The following PLPP4 variants were observed in gnomAD, a reference collection of about 807,000 sequenced individuals.
PLPP4 encodes phospholipid phosphatase 4.
PLPP4 carries 20 observed loss-of-function variants against 32.2 expected under a neutral mutation model. That is an observed-to-expected ratio of 0.62 (90% confidence interval 0.44 to 0.90). PLPP4 has a LOEUF of 0.90. Ranked by LOEUF, PLPP4 falls within the 40% of genes least tolerant of loss-of-function variation. The probability of loss-of-function intolerance (pLI) is 0.00; values close to 1 mark genes in which losing one functional copy is unlikely to be tolerated. For missense variants in PLPP4, 257 were observed against 353.1 expected, an observed-to-expected ratio of 0.73 and a Z score of 2.18; for synonymous variants, 127 against 133.0, an observed-to-expected ratio of 0.95 and a Z score of 0.31.
In PLPP4 at chr10:120,533,177, G is replaced by C. The variant is rs73371245; in HGVS notation, c.445+12082G>C. 8.2e-3 allele frequency among the ~76,000 whole-genome samples: 1,243 copies of C among 152,188 alleles called. 14 individuals carry two copies. The highest frequency in any genetic ancestry group is 0.049 in the South Asian group (234 of 4,824). On this transcript the variant is annotated intron_variant, in intron 5 of 6. Transcript: ENST00000398250. The stretch of plus-strand genomic sequence containing the variant: ...TATTTCCACAACCTTGACATCATTT[G>C]TTATATTCCATCTTTTTTATTATAG...
chr10:120,480,296 G>A (rs1335533552), intron 1 of PLPP4, among the ~76,000 whole-genome samples: 3 of 152,182 alleles, frequency 2.0e-5, no homozygotes, highest in Non-Finnish European at 4.4e-5. Flanking sequence ...TGAATAAGGA[G>A]TGCATCCAAG....
intron 5 of PLPP4, among the ~76,000 whole-genome samples, chr10:120,557,442 T>G (rs1848211153): frequency 1.3e-5 from 2 of 152,204 alleles, no homozygotes; most frequent in Admixed American, 1.3e-4. Flanking sequence ...CCATGTCTTA[T>G]TCTACTCTGA....
At chr10:120,560,827 G>C (rs1848399650) in intron 5 of PLPP4, among the ~76,000 whole-genome samples, 1 of 152,146 alleles carries the variant, frequency 6.6e-6, no homozygotes, top group African/African-American at 2.4e-5. Context: ...GCACCAACCT[G>C]TACAAAATAT....
chr10:120,471,080 C>T (rs1848499441), intron 1 of PLPP4, among the ~76,000 whole-genome samples: 1 of 152,134 alleles, frequency 6.6e-6, no homozygotes, highest in East Asian at 1.9e-4. Flanking sequence ...ATAGCTTGAA[C>T]ATAATGAATA....
chr10:120,495,452 A>T (rs778564415), intron 1 of PLPP4, among the ~76,000 whole-genome samples: 5 of 152,104 alleles, frequency 3.3e-5, no homozygotes, highest in African/African-American at 7.2e-5. Context: ...TCCTGCCAAG[A>T]GTGGAGTGGC....
At position 120,552,165 on chromosome 10, in the gene PLPP4, G is replaced by GGTGTGTGTGTGTGTGT. The variant is rs58426120; in HGVS notation, c.446-22938_446-22923dup. Among the ~76,000 whole-genome samples, 514 of 138,624 alleles carry GGTGTGTGTGTGTGTGT rather than the reference G, an allele frequency of 3.7e-3. 5 individuals carry two copies. Among genetic ancestry groups the GGTGTGTGTGTGTGTGT allele is most frequent in the Middle Eastern group, 7.2e-3 (2 of 276 alleles). 90.9% of individuals were successfully genotyped at this position (138,624 alleles called of 152,430 possible). ...GTGATTGTGTTGTTAGTGGTGGTGG[G>GGTGTGTGTGTGTGTGT]GTGTGTGTGTGTGTGTGTGTGTGTG... On this transcript the variant is annotated intron_variant, in intron 5 of 6. Transcript: ENST00000398250.
intron 1 of PLPP4, among the ~76,000 whole-genome samples, chr10:120,471,410 A>G (rs1296347924): frequency 6.6e-6 from 1 of 151,914 alleles, no homozygotes; most frequent in East Asian, 1.9e-4. Flanking sequence ...TGGATGTCAT[A>G]ATTTCTATCT....
chr10:120,497,666 C>A (rs563093526), intron 1 of PLPP4, among the ~76,000 whole-genome samples: 1 of 152,160 alleles, frequency 6.6e-6, no homozygotes, highest in African/African-American at 2.4e-5. Flanking sequence ...GGTCTTCAAA[C>A]TATATCATGA....
At chr10:120,522,163 G>T (rs560567026) in intron 5 of PLPP4, among the ~76,000 whole-genome samples, 1 of 152,154 alleles carries the variant, frequency 6.6e-6, no homozygotes, top group Non-Finnish European at 1.5e-5. Flanking sequence ...ATTCTCCCAC[G>T]AGTCTGATTA....
At chr10:120,579,399 G>C (rs559926152) in intron 6 of PLPP4, among the ~76,000 whole-genome samples, 3 of 152,110 alleles carry the variant, frequency 2.0e-5, no homozygotes, top group Non-Finnish European at 2.9e-5. Context: ...TTGTCTAACC[G>C]GGCTGAAGTT....
At chr10:120,494,681 T>A (rs561823611) in intron 1 of PLPP4, among the ~76,000 whole-genome samples, 3 of 152,356 alleles carry the variant, frequency 2.0e-5, no homozygotes, top group Admixed American at 6.5e-5. Context: ...GTGGATTATT[T>A]GATTAAATCA....
chr10:120,574,978 G>A (rs1424823289), intron 5 of PLPP4, among the ~76,000 whole-genome samples, 153 bp from the exon 6 acceptor site: 1 of 152,358 alleles, frequency 6.6e-6, no homozygotes, highest in South Asian at 2.1e-4. Flanking sequence ...GCAGCATGGT[G>A]CTAGCAGGAG....
chr10:120,524,098 G>C (rs998298908), intron 5 of PLPP4, among the ~76,000 whole-genome samples: 1 of 152,170 alleles, frequency 6.6e-6, no homozygotes, highest in Non-Finnish European at 1.5e-5. Context: ...TGCTTAAAAT[G>C]TTACCCATTT....
At chr10:120,555,270 G>T (rs1037148622) in intron 5 of PLPP4, among the ~76,000 whole-genome samples, 6 of 152,142 alleles carry the variant, frequency 3.9e-5, no homozygotes, top group African/African-American at 1.4e-4. Context: ...GATCGTGTTT[G>T]TCCTATGGTT....
chr10:120,463,958 GTGTGCC>G (rs1848196338), intron 1 of PLPP4, among the ~76,000 whole-genome samples: 1 of 152,196 alleles, frequency 6.6e-6, no homozygotes, highest in South Asian at 2.1e-4. Context: ...GGGACAATAG[GTGTGCC>G]ATCGCAGCCA....
At chr10:120,474,871 A>G (rs1451834292) in intron 1 of PLPP4, among the ~76,000 whole-genome samples, 1 of 152,230 alleles carries the variant, frequency 6.6e-6, no homozygotes, top group Admixed American at 6.5e-5. Context: ...GGAATTTTAT[A>G]ATGCTTTCAT....
intron 1 of PLPP4, among the ~76,000 whole-genome samples, chr10:120,482,926 C>G (rs1844275819): frequency 6.6e-6 from 1 of 151,968 alleles, no homozygotes; most frequent in Non-Finnish European, 1.5e-5. Context: ...CTGGGTGTGT[C>G]TGTGAGGGTG....
intron 1 of PLPP4, among the ~76,000 whole-genome samples, chr10:120,498,478 C>T (rs1845074875): frequency 6.6e-6 from 1 of 152,136 alleles, no homozygotes; most frequent in Non-Finnish European, 1.5e-5. Context: ...ATGCCTCCTA[C>T]TCATGTAAGG....
At chr10:120,492,525 A>G (rs1223834788) in intron 1 of PLPP4, among the ~76,000 whole-genome samples, 2 of 152,332 alleles carry the variant, frequency 1.3e-5, no homozygotes, top group African/African-American at 4.8e-5. Flanking sequence ...CTGGCTCTTT[A>G]CGTCCATTCT....
Sources: gnomAD v4.1 joint callset for allele counts (sites outside exome capture counted in the v4.1 genomes callset) on GRCh38, gnomAD v4.1.1 for gene constraint, MANE v1.5 for transcripts, NCBI Gene and HGNC (gene_info 2026-07-23, HGNC 2026-07-21) for gene names.